The following SLC27A6 variants were observed in gnomAD, a reference collection of about 807,000 sequenced individuals.
SLC27A6 encodes the protein solute carrier family 27 member 6, also known as long-chain fatty acid transport protein 6.
A neutral mutation model predicts 63.9 loss-of-function variants in SLC27A6; 74 were observed. The observed-to-expected ratio is 1.16, with a 90% CI of 0.96 to 1.40. The LOEUF (loss-of-function observed/expected upper bound fraction) is 1.40, where lower values mean the gene tolerates loss of function less well. SLC27A6 is among the 40% of genes most tolerant of loss of function. SLC27A6 has a pLI of 0.00. For missense variants in SLC27A6, 794 were observed against 732.9 expected (o/e 1.08, Z -0.96); for synonymous variants, 287 against 260.8 (o/e 1.10, Z -0.97).
chr5:129,005,608 A>ATTTT (rs34048257), intron 4 of SLC27A6, among the ~76,000 whole-genome samples: 90 of 98,924 alleles, frequency 9.1e-4, no homozygotes, highest in East Asian at 3.9e-3. Flanking sequence ...GTCTGGTTGT[A>ATTTT]TTTTTTTTTT....
In SLC27A6 at chr5:129,033,233, T is replaced by A. The variant is rs144962899; in HGVS notation, c.1811T>A (p.Leu604Gln). The A allele has an allele frequency of 6.9e-6, 11 of 1,592,846 alleles. No homozygotes were observed. In the African/African-American group the frequency reaches 1.2e-4, roughly 18 times the overall value. ...MDNLKKSYVL[L>Q]TRELYDQIML... The stretch of plus-strand genomic sequence containing the variant: ...AACTTGAAAAAGTCTTATGTTCTAC[T>A]GACCAGGGAACTTTATGATCAAATA... Residue 604 changes from leucine (L) to glutamine (Q), a missense_variant, in exon 10 of 10, where the codon CTG (leucine) becomes CAG (glutamine). Coordinates refer to ENST00000262462, the MANE Select transcript of SLC27A6 (RefSeq NM_001017372.3).
intron 5 of SLC27A6, among the ~76,000 whole-genome samples, chr5:129,019,067 C>G (rs1751994220): frequency 6.6e-6 from 1 of 152,008 alleles, no homozygotes. Context: ...AGGGAAGCAG[C>G]CTCCAGAGAT....
chr5:128,989,149 C>T (rs1019884388), intron 3 of SLC27A6, among the ~76,000 whole-genome samples: 6 of 152,166 alleles, frequency 3.9e-5, no homozygotes, highest in Non-Finnish European at 8.8e-5. Flanking sequence ...ACCTTCATTC[C>T]ATTGATCAAA....
At chr5:128,992,727 T>A (rs1332710855) in intron 4 of SLC27A6, among the ~76,000 whole-genome samples, 1 of 152,206 alleles carries the variant, frequency 6.6e-6, no homozygotes, top group Non-Finnish European at 1.5e-5. Context: ...CATTGTACTT[T>A]TTGGTAATGT....
intron 6 of SLC27A6, among the ~76,000 whole-genome samples, chr5:129,026,384 A>C (rs1292730218): frequency 6.6e-6 from 1 of 152,208 alleles, no homozygotes; most frequent in Non-Finnish European, 1.5e-5. Context: ...AAATTATTTC[A>C]GATAATGTGT....
intron 4 of SLC27A6, among the ~76,000 whole-genome samples, chr5:128,999,967 G>A (rs1751279894): frequency 6.6e-6 from 1 of 152,206 alleles, no homozygotes; most frequent in African/African-American, 2.4e-5. Context: ...CTGGAGAGCA[G>A]GGGAAAAGAC....
rs766945453 is a variant in SLC27A6, at chr5:129,016,060, G to C, written c.1145G>C (p.Arg382Thr). The change falls in exon 5 of 10, where the codon AGA (arginine) becomes ACA (threonine). Residue 382 changes from arginine to threonine, a missense_variant. By Grantham distance (71) the Arg-to-Thr change is moderately conservative. Coordinates refer to ENST00000262462, the MANE Select transcript of SLC27A6 (RefSeq NM_001017372.3). ...NYTGRIGAIGRTNLFYKLLST... is the reference protein window; with the variant it reads ...NYTGRIGAIGTTNLFYKLLST... ...ACTGGGAGAATTGGAGCAATTGGGA[G>C]AACAAATTTGTTTTACAAAGTAAGT... 1 of 1,588,072 alleles carries C rather than the reference G, an allele frequency of 6.3e-7. No individual in the cohort carries two copies. The highest frequency in any genetic ancestry group is 8.5e-7 in the Non-Finnish European group (1 of 1,172,500).
chr5:128,988,695 A>G lies in SLC27A6; in HGVS notation c.781A>G (p.Ile261Val), dbSNP rs1750874367. 1.9e-6 allele frequency: 3 copies of G among 1,613,822 alleles called. No individual in the cohort carries two copies. The highest frequency in any genetic ancestry group is 2.2e-5 in the South Asian group (2 of 91,092). Reference sequence around the variant, plus strand: ...TTGTACTGCTCATGACATTGTTTATATAACCCTTCCTCTGTATCATAGTTC... The same window carrying G: ...TTGTACTGCTCATGACATTGTTTATGTAACCCTTCCTCTGTATCATAGTTC... ...FGCTAHDIVY[I>V]TLPLYHSSAA... The change falls in exon 3 of 10, where the codon ATA (isoleucine) becomes GTA (valine). Residue 261 changes from isoleucine to valine, a missense_variant. Physicochemically the swap from Ile to Val is conservative, Grantham distance 29. Coordinates refer to ENST00000262462, the MANE Select transcript of SLC27A6 (RefSeq NM_001017372.3).
intron 5 of SLC27A6, among the ~76,000 whole-genome samples, chr5:129,016,951 A>G (rs936545828): frequency 1.3e-5 from 2 of 152,216 alleles, no homozygotes; most frequent in Non-Finnish European, 2.9e-5. Flanking sequence ...CTTGGAAAAA[A>G]TAACTGTCAA....
intron 7 of SLC27A6, 86 bp downstream of exon 7, chr5:129,027,417 C>A: frequency 2.0e-6 from 2 of 1,008,734 alleles, no homozygotes; most frequent in Non-Finnish European, 3.0e-6. Context: ...TATGCTTTAG[C>A]TTTCAGGGCA....
intron 4 of SLC27A6, among the ~76,000 whole-genome samples, chr5:129,005,608 A>ATTTTTTTTTTTTTTTT (rs34048257): frequency 1.0e-5 from 1 of 98,916 alleles, no homozygotes; most frequent in Non-Finnish European, 1.9e-5. Context: ...GTCTGGTTGT[A>ATTTTTTTTTTTTTTTT]TTTTTTTTTT....
In SLC27A6 at chr5:128,966,557, C is replaced by G. The variant is rs777936864; in HGVS notation, c.420C>G (p.Arg140=). The G allele has an allele frequency of 1.9e-6, 3 of 1,568,028 alleles. No individual in the cohort carries two copies. The highest frequency in any genetic ancestry group is 2.6e-6 in the Non-Finnish European group (3 of 1,162,646). Residue 140 remains arginine (R), a synonymous_variant, in exon 1 of 10, where the codon CGC becomes CGG. Transcript: ENST00000262462. ...CVVAFLNTNI[R]SNSLLNCIRA... ...TGGCCTTTCTCAACACCAACATTCG[C>G]TCCAACTCCCTCCTGAATTGCATCC...
intron 2 of SLC27A6, 33 bp downstream of exon 2, chr5:128,985,369 A>G (rs760875116): frequency 1.3e-6 from 2 of 1,594,454 alleles, no homozygotes; most frequent in Non-Finnish European, 1.7e-6. Flanking sequence ...GCTAAAATGA[A>G]TGCGAGAAAT....
chr5:128,981,683 G>A (rs187519486), intron 1 of SLC27A6, among the ~76,000 whole-genome samples: 1 of 152,096 alleles, frequency 6.6e-6, no homozygotes, highest in Admixed American at 6.5e-5. Context: ...CAATGGTAAT[G>A]CAGTGAAGCA....
At chr5:128,969,432 T>A (rs1175241970) in intron 1 of SLC27A6, among the ~76,000 whole-genome samples, 1 of 152,194 alleles carries the variant, frequency 6.6e-6, no homozygotes, top group Admixed American at 6.5e-5. Flanking sequence ...TGTCCTCTTT[T>A]TATTTCGTTG....
chr5:128,970,960 T>G lies in SLC27A6; in HGVS notation c.481+4342T>G, dbSNP rs550477603. On this transcript the variant is annotated intron_variant, in intron 1 of 9. Coordinates refer to ENST00000262462, the MANE Select transcript of SLC27A6 (RefSeq NM_001017372.3). ...TCCAGAGATTCTGATATGTTGTGTC[T>G]TTTTTCTCATTGGTTTCAAAGAACA... Among the ~76,000 whole-genome samples the G allele has an allele frequency of 3.3e-5, 5 of 152,366 alleles. No homozygotes were observed. In the South Asian group the frequency reaches 6.2e-4, roughly 19 times the overall value.
At chr5:128,980,514 G>A (rs1018975328) in intron 1 of SLC27A6, among the ~76,000 whole-genome samples, 7 of 152,068 alleles carry the variant, frequency 4.6e-5, no homozygotes, top group Non-Finnish European at 8.8e-5. Flanking sequence ...AAGCCAGTGG[G>A]GTCCACAGTG....
At chr5:129,021,422 C>T (rs914124541) in intron 5 of SLC27A6, among the ~76,000 whole-genome samples, 4 of 152,070 alleles carry the variant, frequency 2.6e-5, no homozygotes, top group African/African-American at 7.2e-5. Flanking sequence ...ATTAACTTTG[C>T]GTTCCTTTTC....
At chr5:129,018,028 T>A (rs1475079017) in intron 5 of SLC27A6, among the ~76,000 whole-genome samples, 2 of 152,162 alleles carry the variant, frequency 1.3e-5, no homozygotes, top group Non-Finnish European at 2.9e-5. Context: ...CATACATGTA[T>A]GAGGAAAGCT....
Sources: allele counts gnomAD v4.1 joint callset (sites outside exome capture counted in the v4.1 genomes callset), GRCh38; gene constraint gnomAD v4.1.1; transcripts MANE v1.5; gene names NCBI Gene and HGNC (gene_info 2026-07-23, HGNC 2026-07-21).